The following XPO4 variants were observed in gnomAD, a reference collection of about 807,000 sequenced individuals.
The protein encoded by XPO4 is exportin-4.
A neutral mutation model predicts 143.0 loss-of-function variants in XPO4; 39 were observed. That is an observed-to-expected ratio of 0.27 (90% CI 0.21 to 0.36). The LOEUF is 0.36. Ranked by LOEUF, XPO4 falls within the 10% of genes least tolerant of loss-of-function variation. The probability of loss-of-function intolerance (pLI) is 1.00; values close to 1 mark genes in which losing one functional copy is unlikely to be tolerated. For synonymous variants in XPO4, 439 were observed against 474.0 expected (o/e 0.93, Z 0.96); for missense variants, 907 against 1,348.0 (o/e 0.67, Z 5.12).
intron 6 of XPO4, among the ~76,000 whole-genome samples, chr13:20,832,705 A>G (rs1243099590): frequency 3.3e-5 from 5 of 152,216 alleles, no homozygotes; most frequent in Admixed American, 3.3e-4. Flanking sequence ...CTCCTGGCAC[A>G]GCACAGAACC....
At chr13:20,831,167 A>G (rs1049160986) in intron 6 of XPO4, among the ~76,000 whole-genome samples, 1 of 152,140 alleles carries the variant, frequency 6.6e-6, no homozygotes, top group African/African-American at 2.4e-5. Context: ...TCTTAACTTA[A>G]AAAACAAACA....
At chr13:20,858,178 G>A (rs1289546263) in intron 3 of XPO4, among the ~76,000 whole-genome samples, 1 of 151,620 alleles carries the variant, frequency 6.6e-6, no homozygotes, top group South Asian at 2.1e-4. Context: ...AAAACCTACT[G>A]TACCTAAATA....
chr13:20,868,393 A>G (rs1475300349), intron 2 of XPO4: 14 of 835,120 alleles, frequency 1.7e-5, no homozygotes, highest in Non-Finnish European at 2.3e-5. Flanking sequence ...CTAGGGGGGA[A>G]AAATCCAAAG....
intron 22 of XPO4, among the ~76,000 whole-genome samples, chr13:20,786,488 C>T (rs186838713): frequency 1.2e-3 from 186 of 152,056 alleles, no homozygotes; most frequent in Middle Eastern, 3.4e-3. Flanking sequence ...TCTATTAACC[C>T]CATTATCAGT....
intron 1 of XPO4, among the ~76,000 whole-genome samples, chr13:20,897,338 C>G (rs2060579314): frequency 6.6e-6 from 1 of 152,184 alleles, no homozygotes; most frequent in Non-Finnish European, 1.5e-5. Context: ...TTTCCCCAAA[C>G]TATATTCTCT....
At chr13:20,880,362 G>T (rs1481662736) in intron 1 of XPO4, among the ~76,000 whole-genome samples, 1 of 152,058 alleles carries the variant, frequency 6.6e-6, no homozygotes, top group Non-Finnish European at 1.5e-5. Context: ...AACCCAGTAG[G>T]TAGTGGTTGC....
rs1566566168 is a variant in XPO4 at position 20,800,378 on chromosome 13, A to G, written c.1978-53T>C. On this transcript the variant is annotated intron_variant, in intron 14 of 22. Transcript: ENST00000255305. ...GTAAGCAAGAAAGATCAACTCAAGAAAAAAAAAACAGAGAAAAATCGAACT... is the reference window on the plus strand; with the variant it reads ...GTAAGCAAGAAAGATCAACTCAAGAGAAAAAAAACAGAGAAAAATCGAACT... The G allele has an allele frequency of 3.3e-6, 5 of 1,536,648 alleles. No individual in the cohort carries two copies. The Admixed American group carries it at 6.2e-5, about 19-fold the overall frequency.
chr13:20,796,870 T>C lies in XPO4; in HGVS notation c.2510A>G (p.Asn837Ser). ...GTAAACTTCCATCAATCCAATGCAA[T>C]TGGTAAGGAAGTCCATTAAAAAATT... is the stretch of plus-strand genomic sequence containing the variant. ...LFNFLMDFLT[N>S]CIGLMEVYKN... The change falls in exon 17 of 23, where the codon AAT (asparagine) becomes AGT (serine). Residue 837 changes from asparagine to serine, a missense_variant. Physicochemically the swap from Asn to Ser is conservative, Grantham distance 46. Transcript: ENST00000255305. The C allele has an allele frequency of 1.2e-6, 2 of 1,614,104 alleles. No homozygotes were observed. The highest frequency in any genetic ancestry group is 1.7e-6 in the Non-Finnish European group (2 of 1,180,010).
chr13:20,834,531 C>T (rs2059892696), intron 6 of XPO4, among the ~76,000 whole-genome samples: 1 of 151,540 alleles, frequency 6.6e-6, no homozygotes. Flanking sequence ...CATGATTACA[C>T]CCCTGCACTC....
At chr13:20,807,713 G>A in intron 12 of XPO4, 79 bp from the exon 13 acceptor site, 1 of 1,095,078 alleles carries the variant, frequency 9.1e-7, no homozygotes, top group Non-Finnish European at 1.3e-6. Context: ...TTTTCAGTTT[G>A]ATTTATATAC....
At position 20,902,688 on chromosome 13, in the gene XPO4, G is replaced by C. The variant is rs1343321737; in HGVS notation, c.51C>G (p.Asn17Lys). 1 of 1,583,648 alleles carries C rather than the reference G, an allele frequency of 6.3e-7. No homozygotes were observed. Among genetic ancestry groups the C allele is most frequent in the Non-Finnish European group, 8.6e-7 (1 of 1,165,576 alleles). Residue 17 changes from asparagine to lysine, a missense_variant, in exon 1 of 23, where the codon AAC becomes AAG. Asn to Lys is a moderately conservative substitution (Grantham distance 94). Transcript: ENST00000255305. ...TCCTCACCATCAGAACTTTAGCCGC[G>C]TTCTCCAGCTGAGCGATCACTTCTG... The part of the protein sequence containing the change: ...GPPEVIAQLE[N>K]AAKVLMAPPS...
intron 9 of XPO4, among the ~76,000 whole-genome samples, chr13:20,812,634 G>C (rs1380427000): frequency 6.6e-6 from 1 of 152,104 alleles, no homozygotes; most frequent in African/African-American, 2.4e-5. Flanking sequence ...ACTAGGTCCT[G>C]GCACAGGAAG....
chr13:20,830,683 C>T (rs186775585), intron 6 of XPO4, among the ~76,000 whole-genome samples: 35 of 152,072 alleles, frequency 2.3e-4, no homozygotes, highest in East Asian at 5.8e-4. Context: ...TTATATGGAA[C>T]AGCATCATAA....
At position 20,800,325 on chromosome 13, in the gene XPO4, T is replaced by A; in HGVS notation, c.1978A>T (p.Ile660Leu). Residue 660 changes from isoleucine (I) to leucine (L), a missense_variant and splice_region_variant, in exon 15 of 23, where the codon ATA (isoleucine) becomes TTA (leucine). Ile to Leu is a conservative substitution (Grantham distance 5). Transcript: ENST00000255305. ...AACGCTGTACTGAATGGCAGACTTATCTTAAGAGAGGAAACAAATTTTTTA... is the reference window on the plus strand; with the variant it reads ...AACGCTGTACTGAATGGCAGACTTAACTTAAGAGAGGAAACAAATTTTTTA... ...LLVDEKLYDQISLPFSTAFGA... is the reference protein window; with the variant it reads ...LLVDEKLYDQLSLPFSTAFGA... The A allele has an allele frequency of 6.2e-7, 1 of 1,604,160 alleles. No homozygotes were observed. Among genetic ancestry groups the A allele is most frequent in the Non-Finnish European group, 8.5e-7 (1 of 1,175,404 alleles).
chr13:20,805,745 TTCTA>T (rs765210778), intron 13 of XPO4, among the ~76,000 whole-genome samples: 37 of 152,346 alleles, frequency 2.4e-4, no homozygotes, highest in Non-Finnish European at 3.1e-4. Context: ...GAGAAGTGAC[TTCTA>T]TCTGTTTTGT....
intron 16 of XPO4, 120 bp downstream of exon 16, chr13:20,799,045 G>T: frequency 5.2e-6 from 5 of 966,684 alleles, no homozygotes; most frequent in Non-Finnish European, 7.2e-6. Context: ...AAGAAAGAAA[G>T]AAAGAAAGAA....
intron 1 of XPO4, among the ~76,000 whole-genome samples, chr13:20,870,104 A>AAAAAAAAGAATTG (rs1352783292): frequency 8.0e-5 from 12 of 149,572 alleles, no homozygotes; most frequent in African/African-American, 3.0e-4. Context: ...AAAAAAAAAA[A>AAAAAAAAGAATTG]AAAGAATTGT....
In XPO4 at chr13:20,902,660, G is replaced by A. The variant is rs2060633606; in HGVS notation, c.69+10C>T. The A allele has an allele frequency of 1.3e-6, 2 of 1,566,882 alleles. No homozygotes were observed. The highest frequency in any genetic ancestry group is 1.8e-5 in the Admixed American group (1 of 54,402). ...CGAATCCCGGGGTCTGAGGGGCGCG[G>A]CGTCCTCACCATCAGAACTTTAGCC... On this transcript the variant is annotated intron_variant, in intron 1 of 22. Coordinates refer to ENST00000255305, the MANE Select transcript of XPO4 (RefSeq NM_022459.5).
chr13:20,850,107 A>G, intron 4 of XPO4: 1 of 984,794 alleles, frequency 1.0e-6, no homozygotes, highest in Non-Finnish European at 1.2e-6. Flanking sequence ...CTCTGTCTCA[A>G]CAAAAACCAC....
Sources: allele counts gnomAD v4.1 joint callset (sites outside exome capture counted in the v4.1 genomes callset), GRCh38; gene constraint gnomAD v4.1.1; transcripts MANE v1.5; gene names NCBI Gene and HGNC (gene_info 2026-07-23, HGNC 2026-07-21).